The following LYRM4 variants were observed in gnomAD, a reference collection of about 807,000 sequenced individuals.
LYRM4 encodes the protein LYR motif containing 4, also known as LYR motif-containing protein 4.
LYRM4 carries 9 observed loss-of-function variants against 11.7 expected under a neutral mutation model. The observed-to-expected ratio is 0.77, with a 90% CI of 0.46 to 1.34. The LOEUF (loss-of-function observed/expected upper bound fraction) is 1.34. LYRM4 is among the 40% of genes most tolerant of loss of function. The pLI, the probability that LYRM4 is intolerant of heterozygous loss-of-function variation, is 0.00. For missense variants in LYRM4, 133 were observed against 112.5 expected (o/e 1.18, Z -0.82); for synonymous variants, 42 against 40.4 (o/e 1.04, Z -0.15).
At position 5,177,038 on chromosome 6, in the gene LYRM4, A is replaced by G. The variant is rs555442760; in HGVS notation, c.207+39580T>C. ...ATCTCAATAGATCCCCTACTGTGTA[A>G]ATGTCATACATGTGCACAAAACTTG... On this transcript the variant is annotated intron_variant, in intron 2 of 2. Transcript: ENST00000330636. Among the ~76,000 whole-genome samples, 12 of 152,304 alleles carry G rather than the reference A, an allele frequency of 7.9e-5. No individual in the cohort carries two copies. In the East Asian group the frequency reaches 1.9e-3, roughly 25 times the overall value.
intron 1 of LYRM4, among the ~76,000 whole-genome samples, chr6:5,233,879 T>C (rs1763384184): frequency 1.3e-5 from 2 of 152,248 alleles, no homozygotes; most frequent in Admixed American, 6.5e-5. Flanking sequence ...TACAGATCCC[T>C]GTGCTGGGTC....
chr6:5,053,898 C>G, the LYRM4 span, among the ~76,000 whole-genome samples: 133,426 of 152,162 alleles, frequency 0.88, 58,623 homozygotes, highest in East Asian at 0.99. Context: ...AGAACTCATT[C>G]TGCCCCAAAA....
At chr6:5,224,493 T>C (rs1762765756) in intron 1 of LYRM4, among the ~76,000 whole-genome samples, 4 of 152,206 alleles carry the variant, frequency 2.6e-5, no homozygotes, top group Middle Eastern at 3.2e-3. Flanking sequence ...GTTCTTAATA[T>C]TTTACCCAGT....
intron 1 of LYRM4, among the ~76,000 whole-genome samples, chr6:5,222,764 G>GAAAAAAAAAAAAAAAAAAAAAAAAAA (rs56295961): frequency 7.1e-6 from 1 of 139,964 alleles, no homozygotes; most frequent in Non-Finnish European, 1.5e-5. Flanking sequence ...AGCAAAACAA[G>GAAAAAAAAAAAAAAAAAAAAAAAAAA]AAAAAAAAAA....
Position 5,109,342 on chromosome 6 carries a change from G to A in LYRM4, c.*81C>T. 6.2e-7 allele frequency: 1 copy of A among 1,602,096 alleles called. No homozygotes were observed. Among genetic ancestry groups the A allele is most frequent in the Non-Finnish European group, 8.5e-7 (1 of 1,171,194 alleles). On this transcript the variant is annotated 3_prime_UTR_variant, in exon 3 of 3. Transcript: ENST00000330636. ...CAGCGCAAAAGGCTATTGTAAGCTG[G>A]TTTTGGGAGCCCCCATCTCAAACAG...
intron 2 of LYRM4, among the ~76,000 whole-genome samples, chr6:5,160,500 G>A (rs942429122): frequency 2.0e-5 from 3 of 152,010 alleles, no homozygotes; most frequent in African/African-American, 7.3e-5. Context: ...CACAAAATCT[G>A]ATATTTTTAT....
intron 2 of LYRM4, among the ~76,000 whole-genome samples, chr6:5,195,022 G>C (rs1451892396): frequency 6.6e-6 from 1 of 152,164 alleles, no homozygotes; most frequent in Non-Finnish European, 1.5e-5. Context: ...ACACATAAAG[G>C]CTTGATGTAC....
At chr6:5,070,004 G>A in the LYRM4 span, among the ~76,000 whole-genome samples, 44,306 of 152,116 alleles carry the variant, frequency 0.29, 6,730 homozygotes, top group African/African-American at 0.36. Context: ...CTGTGCACCA[G>A]CACATGCTAG....
intron 2 of LYRM4, among the ~76,000 whole-genome samples, chr6:5,166,677 T>C (rs552553755): frequency 5.3e-4 from 80 of 152,360 alleles, no homozygotes; most frequent in Middle Eastern, 3.4e-3. Context: ...ATTATTGGTC[T>C]GGGTTTCACA....
At chr6:5,052,078 T>G in the LYRM4 span, among the ~76,000 whole-genome samples, 1 of 152,092 alleles carries the variant, frequency 6.6e-6, no homozygotes, top group African/African-American at 2.4e-5. Context: ...AACAAGAGGT[T>G]TGGAGGAGTC....
chr6:5,222,764 GA>G (rs56295961), intron 1 of LYRM4, among the ~76,000 whole-genome samples: 1,787 of 139,958 alleles, frequency 0.013, 32 homozygotes, highest in South Asian at 0.044. Context: ...AGCAAAACAA[GA>G]AAAAAAAAAA....
At chr6:5,149,917 G>A (rs747382187) in intron 2 of LYRM4, among the ~76,000 whole-genome samples, 2 of 152,064 alleles carry the variant, frequency 1.3e-5, no homozygotes, top group African/African-American at 2.4e-5. Flanking sequence ...GATTTCCTAC[G>A]AGCAAAACAT....
At chr6:5,143,357 G>A (rs1460264737) in intron 2 of LYRM4, among the ~76,000 whole-genome samples, 1 of 152,226 alleles carries the variant, frequency 6.6e-6, no homozygotes, top group Non-Finnish European at 1.5e-5. Flanking sequence ...CCATAACTGT[G>A]TGAGTCTGTG....
chr6:5,238,049 A>C (rs1763653327), intron 1 of LYRM4, among the ~76,000 whole-genome samples: 1 of 151,846 alleles, frequency 6.6e-6, no homozygotes, highest in Non-Finnish European at 1.5e-5. Flanking sequence ...CTGGCTGCTT[A>C]CTGTCCTGCC....
chr6:5,259,535 A>G (rs888690769), intron 1 of LYRM4, among the ~76,000 whole-genome samples: 8 of 152,184 alleles, frequency 5.3e-5, no homozygotes, highest in Admixed American at 4.6e-4. Flanking sequence ...TTTGAGAGTC[A>G]TTGCTTAAGA....
chr6:5,241,994 C>T (rs1264176346), intron 1 of LYRM4, among the ~76,000 whole-genome samples: 6 of 152,054 alleles, frequency 3.9e-5, no homozygotes, highest in Non-Finnish European at 1.5e-5. Context: ...ATTACTACTA[C>T]CTTAATCTGT....
intron 2 of LYRM4, among the ~76,000 whole-genome samples, chr6:5,214,256 C>G (rs1016176703): frequency 7.2e-5 from 11 of 152,080 alleles, no homozygotes; most frequent in African/African-American, 9.7e-5. Context: ...CCCAGGGGGG[C>G]CCCTATGGGA....
At chr6:5,124,400 A>G (rs1341111558) in intron 2 of LYRM4, among the ~76,000 whole-genome samples, 4 of 152,186 alleles carry the variant, frequency 2.6e-5, no homozygotes, top group Non-Finnish European at 4.4e-5. Context: ...TAGTTTTTAG[A>G]AAATTTAGAG....
chr6:5,103,272 T>G (rs1001926779), downstream of LYRM4: 1 of 152,218 alleles, frequency 6.6e-6, no homozygotes, highest in Non-Finnish European at 1.5e-5. Context: ...AACTCGGGGT[T>G]GCACATGGCA....
Sources: gnomAD v4.1 joint callset for allele counts (sites outside exome capture counted in the v4.1 genomes callset) on GRCh38, gnomAD v4.1.1 for gene constraint, MANE v1.5 for transcripts, NCBI Gene and HGNC (gene_info 2026-07-23, HGNC 2026-07-21) for gene names.